The following CDH2 variants were observed in gnomAD, a reference collection of about 807,000 sequenced individuals.
The protein encoded by CDH2 is cadherin-2.
In CDH2, 17 loss-of-function variants were observed where a neutral mutation model predicts 92.0. That is an observed-to-expected ratio of 0.18 (90% CI 0.13 to 0.28). The LOEUF (loss-of-function observed/expected upper bound fraction) is 0.28, where lower values mean the gene tolerates loss of function less well. Among genes scored for constraint, CDH2 ranks in the 10% least tolerant of loss-of-function variants. The pLI is 1.00. For synonymous variants in CDH2, 419 were observed against 415.9 expected (o/e 1.01, Z -0.09); for missense variants, 862 against 1,133.1 (o/e 0.76, Z 3.44).
At chr18:28,131,616 G>T (rs1258999119) in intron 2 of CDH2, among the ~76,000 whole-genome samples, 4 of 151,918 alleles carry the variant, frequency 2.6e-5, no homozygotes, top group Admixed American at 6.6e-5. Flanking sequence ...GAAGAAAATT[G>T]GTCCATTTTG....
chr18:28,005,067 G>A (rs1468973754), intron 6 of CDH2, among the ~76,000 whole-genome samples: 2 of 152,096 alleles, frequency 1.3e-5, no homozygotes, highest in Admixed American at 6.5e-5. Flanking sequence ...TGAACACCAC[G>A]CCATCTCAGG....
At chr18:27,984,492 T>A (rs2012160775) in intron 13 of CDH2, among the ~76,000 whole-genome samples, 1 of 152,196 alleles carries the variant, frequency 6.6e-6, no homozygotes, top group Non-Finnish European at 1.5e-5. Context: ...TTATCAAATG[T>A]CCTGTATGTG....
At chr18:28,136,808 A>T (rs1283709445) in intron 2 of CDH2, among the ~76,000 whole-genome samples, 1 of 152,196 alleles carries the variant, frequency 6.6e-6, no homozygotes, top group Admixed American at 6.5e-5. Context: ...ATCTAAGTAT[A>T]GTAGAAAATA....
intron 2 of CDH2, among the ~76,000 whole-genome samples, chr18:28,108,220 G>C (rs976723947): frequency 1.3e-5 from 2 of 152,138 alleles, no homozygotes; most frequent in Non-Finnish European, 2.9e-5. Flanking sequence ...ATTTGCTTTG[G>C]ATCAGGATTT....
intron 2 of CDH2, among the ~76,000 whole-genome samples, chr18:28,111,471 G>A (rs1470342831): frequency 3.3e-5 from 5 of 152,170 alleles, no homozygotes; most frequent in African/African-American, 4.8e-5. Context: ...AAAGCACTCC[G>A]TCCTATAATT....
downstream of CDH2, among the ~76,000 whole-genome samples, chr18:27,946,027 A>C (rs1032373780): frequency 6.6e-6 from 1 of 152,208 alleles, no homozygotes; most frequent in African/African-American, 2.4e-5. Context: ...ATATGGAATA[A>C]TGTGGAATTT....
intron 10 of CDH2, 71 bp downstream of exon 10, chr18:27,990,026 A>T (rs1467628687): frequency 4.6e-6 from 6 of 1,309,560 alleles, no homozygotes; most frequent in African/African-American, 3.0e-5. Flanking sequence ...TCAAATAGTG[A>T]ATTAGATAAA....
At chr18:28,145,808 T>A (rs1052361582) in intron 2 of CDH2, among the ~76,000 whole-genome samples, 1 of 151,800 alleles carries the variant, frequency 6.6e-6, no homozygotes, top group Admixed American at 6.6e-5. Context: ...AAAAAAGTAA[T>A]GGTGTCATGT....
At position 27,964,700 on chromosome 18, in the gene CDH2, T is replaced by C. The variant is rs17522054; in HGVS notation, c.2350-1179A>G. 7.9e-3 allele frequency among the ~76,000 whole-genome samples: 1,209 copies of C among 152,334 alleles called. 15 individuals are homozygous for C. Among genetic ancestry groups the C allele is most frequent in the African/African-American group, 0.028 (1,169 of 41,566 alleles). ...TCACTCATTTGATCCTCTTAGTACATGTGATACTAAGTTTTATTATCCCCA... is the reference window on the plus strand; with the variant it reads ...TCACTCATTTGATCCTCTTAGTACACGTGATACTAAGTTTTATTATCCCCA... On this transcript the variant is annotated intron_variant, in intron 14 of 15. Coordinates refer to ENST00000269141, the MANE Select transcript of CDH2 (RefSeq NM_001792.5).
chr18:28,015,175 G>T (rs1450701387), intron 2 of CDH2, among the ~76,000 whole-genome samples: 1 of 152,216 alleles, frequency 6.6e-6, no homozygotes. Flanking sequence ...TCACTGAGAC[G>T]TGCACACAGC....
chr18:28,029,304 GTTAC>G (rs1420226646), intron 2 of CDH2, among the ~76,000 whole-genome samples: 4 of 152,034 alleles, frequency 2.6e-5, no homozygotes, highest in African/African-American at 4.8e-5. Context: ...CAATTTAAAG[GTTAC>G]TTAATTTTAT....
At chr18:27,959,502 T>G (rs1448782475) in intron 15 of CDH2, 1 of 150,838 alleles carries the variant, frequency 6.6e-6, no homozygotes, top group Non-Finnish European at 1.5e-5. Context: ...AATGTGCTTT[T>G]CTTTCTTTCT....
intron 2 of CDH2, 107 bp from the exon 3 acceptor site, chr18:28,014,016 C>T: frequency 1.4e-6 from 1 of 711,126 alleles, no homozygotes; most frequent in Non-Finnish European, 2.3e-6. Context: ...GATAAAAATA[C>T]AGTAGCATGA....
At position 28,009,807 on chromosome 18, in the gene CDH2, C is replaced by T; in HGVS notation, c.612G>A (p.Gln204=). The T allele has an allele frequency of 1.2e-6, 2 of 1,613,964 alleles. No homozygotes were observed. Among genetic ancestry groups the T allele is most frequent in the South Asian group, 1.1e-5 (1 of 91,068 alleles). Reference sequence around the variant, plus strand: ...TGATAATGAAGATACCAGTTGGAGGCTGGTCAGCTCCTGGCCCAGTTACAC... The same window carrying T: ...TGATAATGAAGATACCAGTTGGAGGTTGGTCAGCTCCTGGCCCAGTTACAC... ...RYSVTGPGAD[Q]PPTGIFIINP... The change falls in exon 5 of 16, where the codon CAG becomes CAA. Residue 204 remains glutamine, a synonymous_variant. Transcript: ENST00000269141.
intron 5 of CDH2, among the ~76,000 whole-genome samples, chr18:28,009,242 C>G (rs1045546177): frequency 3.3e-5 from 5 of 152,014 alleles, no homozygotes; most frequent in African/African-American, 1.2e-4. Flanking sequence ...TAGGACAAAC[C>G]AAGCACTAAC....
chr18:28,143,018 T>C (rs1378518641), intron 2 of CDH2, among the ~76,000 whole-genome samples: 1 of 152,080 alleles, frequency 6.6e-6, no homozygotes, highest in African/African-American at 2.4e-5. Flanking sequence ...CTTCTGACCA[T>C]GTTAATGTAG....
At chr18:28,145,797 G>GA (rs145376818) in intron 2 of CDH2, among the ~76,000 whole-genome samples, 1 of 150,450 alleles carries the variant, frequency 6.6e-6, no homozygotes, top group African/African-American at 2.4e-5. Context: ...GAATGATAAA[G>GA]AAAAAAGTAA....
intron 14 of CDH2, among the ~76,000 whole-genome samples, chr18:27,965,976 ACT>A (rs974785226): frequency 7.3e-6 from 1 of 136,238 alleles, no homozygotes; most frequent in African/African-American, 2.9e-5. Context: ...CGACAGAAAG[ACT>A]CTGTCTAAAA....
At chr18:27,983,118 T>A in intron 13 of CDH2, 35 bp from the exon 14 acceptor site, 1 of 1,556,530 alleles carries the variant, frequency 6.4e-7, no homozygotes, top group African/African-American at 1.4e-5. Context: ...CATAATATTG[T>A]CATTTTTAAA....
Sources: gnomAD v4.1 joint callset for allele counts (sites outside exome capture counted in the v4.1 genomes callset) on GRCh38, gnomAD v4.1.1 for gene constraint, MANE v1.5 for transcripts, NCBI Gene and HGNC (gene_info 2026-07-23, HGNC 2026-07-21) for gene names.